Variants in TBC1D5 observed in about 807,000 individuals in gnomAD.
TBC1D5 encodes the protein TBC1 domain family, member 5.
Under a neutral mutation model 100.3 loss-of-function variants are expected in TBC1D5, and 75 were observed. That is an observed-to-expected ratio of 0.75 (90% CI 0.62 to 0.91). The LOEUF (loss-of-function observed/expected upper bound fraction) is 0.91. Ranked by LOEUF, TBC1D5 falls within the 40% of genes least tolerant of loss-of-function variation. The probability of loss-of-function intolerance (pLI) is 0.00; values close to 1 mark genes in which losing one functional copy is unlikely to be tolerated. For synonymous variants in TBC1D5, 323 were observed against 325.6 expected, an observed-to-expected ratio of 0.99 and a Z score of 0.09; for missense variants, 910 against 942.4, an observed-to-expected ratio of 0.97 and a Z score of 0.45.
At chr3:17,606,491 A>T (rs769419310) in intron 2 of TBC1D5, among the ~76,000 whole-genome samples, 2 of 152,188 alleles carry the variant, frequency 1.3e-5, no homozygotes, top group Non-Finnish European at 2.9e-5. Context: ...ACCTTTGGCT[A>T]TCTGTAATAT....
At chr3:17,315,382 C>T (rs891324009) in intron 13 of TBC1D5, among the ~76,000 whole-genome samples, 1 of 152,104 alleles carries the variant, frequency 6.6e-6, no homozygotes, top group African/African-American at 2.4e-5. Flanking sequence ...ACTGCCAGGC[C>T]CAAAAGGGCA....
At position 17,332,246 on chromosome 3, in the gene TBC1D5, A is replaced by G. The variant is rs886656544; in HGVS notation, c.996-24112T>C. Among the ~76,000 whole-genome samples the G allele has an allele frequency of 4.6e-5, 7 of 152,294 alleles. No homozygotes were observed. The East Asian group carries it at 1.2e-3, about 25-fold the overall frequency. ...CGGCCAATGTGATTTGTTAATTTAC[A>G]GGAGATGAAAGGGAAATAAAGGAAT... On this transcript the variant is annotated intron_variant, in intron 13 of 21. Coordinates refer to ENST00000253692, the Ensembl canonical transcript of TBC1D5.
intron 2 of TBC1D5, among the ~76,000 whole-genome samples, chr3:17,613,766 T>C (rs1264965993): frequency 6.6e-6 from 1 of 152,190 alleles, no homozygotes; most frequent in East Asian, 1.9e-4. Flanking sequence ...GCTTAAGTTC[T>C]TTGTAGATTC....
intron 13 of TBC1D5, among the ~76,000 whole-genome samples, chr3:17,365,320 T>C (rs1191317548): frequency 6.6e-6 from 1 of 152,204 alleles, no homozygotes; most frequent in African/African-American, 2.4e-5. Context: ...AGTGCATGCG[T>C]AACTCAGCAC....
At chr3:17,538,471 G>A (rs1195966748) in intron 2 of TBC1D5, among the ~76,000 whole-genome samples, 1 of 152,146 alleles carries the variant, frequency 6.6e-6, no homozygotes, top group Non-Finnish European at 1.5e-5. Context: ...GGGATGAACA[G>A]GGCACTTGGA....
At chr3:17,257,942 CAATAT>C (rs1480471514) in intron 16 of TBC1D5, among the ~76,000 whole-genome samples, 1 of 152,094 alleles carries the variant, frequency 6.6e-6, no homozygotes, top group Non-Finnish European at 1.5e-5. Context: ...TGAGACATCT[CAATAT>C]GATATTATGA....
chr3:17,678,760 T>G (rs1009275544), intron 1 of TBC1D5, among the ~76,000 whole-genome samples: 1 of 149,812 alleles, frequency 6.7e-6, no homozygotes, highest in African/African-American at 2.5e-5. Flanking sequence ...CCTCTGAAGA[T>G]TCATTTAAAA....
chr3:17,161,359 C>A (rs953773855), intron 21 of TBC1D5, 103 bp from the exon 23 acceptor site: 6 of 1,309,836 alleles, frequency 4.6e-6, no homozygotes, highest in Non-Finnish European at 6.2e-6. Context: ...AAAGCTAGGC[C>A]ACCTCACCCT....
intron 2 of TBC1D5, among the ~76,000 whole-genome samples, chr3:17,616,390 G>T (rs1483089194): frequency 6.6e-6 from 1 of 151,644 alleles, no homozygotes; most frequent in South Asian, 2.1e-4. Context: ...GACTTCTATT[G>T]ATGTCTATTA....
intron 19 of TBC1D5, among the ~76,000 whole-genome samples, chr3:17,177,128 A>G (rs2067852393): frequency 6.6e-6 from 1 of 152,238 alleles, no homozygotes; most frequent in Non-Finnish European, 1.5e-5. Context: ...AAAAAGAAAG[A>G]AAATAATTCA....
intron 8 of TBC1D5, among the ~76,000 whole-genome samples, chr3:17,400,213 T>C (rs1438931255): frequency 2.0e-5 from 3 of 152,256 alleles, no homozygotes; most frequent in African/African-American, 7.2e-5. Context: ...TCCATAAATA[T>C]ACATTTTTTC....
At chr3:17,627,875 T>G (rs923796332) in intron 1 of TBC1D5, among the ~76,000 whole-genome samples, 2 of 152,226 alleles carry the variant, frequency 1.3e-5, no homozygotes, top group Admixed American at 1.3e-4. Flanking sequence ...AGAAAAACAC[T>G]GTCACGTGCT....
At chr3:17,428,655 A>T in intron 3 of TBC1D5, 136 bp from the exon 4 acceptor site, 1 of 302,374 alleles carries the variant, frequency 3.3e-6, no homozygotes, top group Non-Finnish European at 6.1e-6. Context: ...TATCTTTTGT[A>T]CTCAAAGCTT....
chr3:17,611,681 T>G (rs1037176914), intron 2 of TBC1D5, among the ~76,000 whole-genome samples: 2 of 151,960 alleles, frequency 1.3e-5, no homozygotes, highest in African/African-American at 4.8e-5. Context: ...GAAACCAGAG[T>G]GGAGTGCTAT....
At chr3:17,205,753 T>C (rs1302210673) in intron 18 of TBC1D5, among the ~76,000 whole-genome samples, 2 of 152,136 alleles carry the variant, frequency 1.3e-5, no homozygotes, top group Non-Finnish European at 2.9e-5. Flanking sequence ...CCAAGTAGAC[T>C]TCTCTAGAAG....
intron 14 of TBC1D5, among the ~76,000 whole-genome samples, chr3:17,292,437 A>G (rs1278513138): frequency 1.3e-5 from 2 of 152,140 alleles, no homozygotes; most frequent in Non-Finnish European, 2.9e-5. Context: ...AACTTGTTAC[A>G]TTTTCTTTTG....
intron 1 of TBC1D5, among the ~76,000 whole-genome samples, chr3:17,635,465 G>A (rs2063823646): frequency 6.6e-6 from 1 of 152,124 alleles, no homozygotes; most frequent in African/African-American, 2.4e-5. Flanking sequence ...TGGATCACGT[G>A]AGGTCAGGGG....
intron 3 of TBC1D5, among the ~76,000 whole-genome samples, chr3:17,436,498 A>G (rs1387810748): frequency 6.6e-6 from 1 of 152,160 alleles, no homozygotes; most frequent in East Asian, 1.9e-4. Flanking sequence ...TTTTCTTCTT[A>G]TCAATTAAAG....
chr3:17,490,727 T>C (rs559567264), intron 3 of TBC1D5, among the ~76,000 whole-genome samples: 1 of 152,234 alleles, frequency 6.6e-6, no homozygotes, highest in Admixed American at 6.5e-5. Context: ...CTTTGTAGTA[T>C]AGTTTGAAGT....
Sources: allele counts gnomAD v4.1 joint callset (sites outside exome capture counted in the v4.1 genomes callset), GRCh38; gene constraint gnomAD v4.1.1; transcripts MANE v1.5; gene names NCBI Gene and HGNC (gene_info 2026-07-23, HGNC 2026-07-21).